SIL1: variants seen among roughly 807,000 people sequenced by gnomAD.
SIL1 encodes the protein nucleotide exchange factor SIL1.
In SIL1, 40 loss-of-function variants were observed where a neutral mutation model predicts 49.1. The observed-to-expected ratio is 0.81, with a 90% CI of 0.63 to 1.06. The LOEUF (loss-of-function observed/expected upper bound fraction) is 1.06. SIL1 is among the 50% of genes least tolerant of loss of function. The pLI, the probability that SIL1 is intolerant of heterozygous loss-of-function variation, is 0.00. For synonymous variants in SIL1, 253 were observed against 250.8 expected (o/e 1.01, Z -0.08); for missense variants, 500 against 572.6 (o/e 0.87, Z 1.29).
At chr5:139,194,781 C>A (rs943132402) in intron 1 of SIL1, among the ~76,000 whole-genome samples, 2 of 152,180 alleles carry the variant, frequency 1.3e-5, no homozygotes, top group Non-Finnish European at 2.9e-5. Context: ...GACTGGCAGA[C>A]AGCCTCTGCA....
chr5:138,963,666 AAATATGGTGAAC>A (rs546734082), intron 7 of SIL1, among the ~76,000 whole-genome samples: 57 of 152,374 alleles, frequency 3.7e-4, no homozygotes, highest in East Asian at 3.1e-3. Flanking sequence ...CTGACAGTTT[AAATATGGTGAAC>A]AATATGGTGA....
intron 1 of SIL1, among the ~76,000 whole-genome samples, chr5:139,174,125 T>C (rs1000199179): frequency 6.6e-6 from 1 of 150,640 alleles, no homozygotes; most frequent in Non-Finnish European, 1.5e-5. Context: ...AATAGAAAAA[T>C]AATAGAAAAA....
chr5:139,193,856 T>C (rs1367452618), intron 1 of SIL1, among the ~76,000 whole-genome samples: 4 of 152,204 alleles, frequency 2.6e-5, no homozygotes, highest in Admixed American at 6.5e-5. Context: ...GAGAGATCAA[T>C]GAAGGCATTC....
chr5:138,985,929 T>C (rs1767641859), intron 7 of SIL1, among the ~76,000 whole-genome samples: 1 of 152,220 alleles, frequency 6.6e-6, no homozygotes, highest in African/African-American at 2.4e-5. Context: ...CCACAGATGA[T>C]GTTCTGTACT....
chr5:139,169,474 AGATTTTT>A (rs949092673), intron 1 of SIL1, among the ~76,000 whole-genome samples: 2 of 127,318 alleles, frequency 1.6e-5, no homozygotes, highest in African/African-American at 6.6e-5. Context: ...GTATATAGAT[AGATTTTT>A]TTTTTTTTTT....
chr5:139,102,528 T>C (rs1770615033), intron 3 of SIL1, among the ~76,000 whole-genome samples: 1 of 150,900 alleles, frequency 6.6e-6, no homozygotes, highest in Non-Finnish European at 1.5e-5. Context: ...GAAAGTCATT[T>C]TAAAAACAAA....
At chr5:139,139,088 T>A (rs994986364) in intron 1 of SIL1, among the ~76,000 whole-genome samples, 7 of 151,836 alleles carry the variant, frequency 4.6e-5, no homozygotes, top group African/African-American at 1.7e-4. Context: ...TCAGGGAGAG[T>A]AGGAACAGCC....
intron 3 of SIL1, among the ~76,000 whole-genome samples, chr5:139,080,351 T>C (rs1054748147): frequency 6.6e-6 from 1 of 152,236 alleles, no homozygotes; most frequent in Non-Finnish European, 1.5e-5. Context: ...AGCTAGATTA[T>C]GCCAAGTCCT....
chr5:139,072,674 C>T (rs890521833), intron 3 of SIL1, among the ~76,000 whole-genome samples: 26 of 152,100 alleles, frequency 1.7e-4, no homozygotes, highest in African/African-American at 6.3e-4. Flanking sequence ...GATTTGACCC[C>T]TAAAAGCACA....
At chr5:138,993,285 G>C (rs1458598518) in intron 7 of SIL1, among the ~76,000 whole-genome samples, 1 of 152,144 alleles carries the variant, frequency 6.6e-6, no homozygotes, top group African/African-American at 2.4e-5. Context: ...ATTCCTTAGG[G>C]ATGGCATCCT....
chr5:138,959,442 A>G (rs1355996767), intron 7 of SIL1, among the ~76,000 whole-genome samples: 1 of 152,226 alleles, frequency 6.6e-6, no homozygotes, highest in Non-Finnish European at 1.5e-5. Flanking sequence ...CCAGAAAAAC[A>G]TATTCTGATA....
At chr5:138,957,142 T>A (rs1346742401) in intron 7 of SIL1, among the ~76,000 whole-genome samples, 1 of 152,068 alleles carries the variant, frequency 6.6e-6, no homozygotes, top group East Asian at 1.9e-4. Flanking sequence ...TCTGAGGAGA[T>A]AAAGGGAACC....
At chr5:139,048,369 G>GTTTTTTTTTTTTTTTTTT (rs35482601) in intron 4 of SIL1, among the ~76,000 whole-genome samples, 4 of 87,758 alleles carry the variant, frequency 4.6e-5, no homozygotes, top group African/African-American at 1.4e-4. Context: ...TTTGTTGTTG[G>GTTTTTTTTTTTTTTTTTT]TTTTTTTTTT....
At chr5:139,163,622 G>A (rs1473873810) in intron 1 of SIL1, among the ~76,000 whole-genome samples, 4 of 152,004 alleles carry the variant, frequency 2.6e-5, no homozygotes, top group East Asian at 3.9e-4. Context: ...CGCCCGTCTC[G>A]GCCTCCCAAA....
chr5:138,970,354 G>A (rs538424323), intron 7 of SIL1, among the ~76,000 whole-genome samples: 109 of 152,350 alleles, frequency 7.2e-4, no homozygotes, highest in African/African-American at 2.5e-3. Flanking sequence ...ATTTCACCAG[G>A]GAAGCAGCTT....
At chr5:139,164,951 C>T (rs1751585781) in intron 1 of SIL1, among the ~76,000 whole-genome samples, 1 of 152,176 alleles carries the variant, frequency 6.6e-6, no homozygotes, top group East Asian at 1.9e-4. Context: ...TACCCCAAAA[C>T]ATGTTTCTCT....
At chr5:139,131,780 G>A (rs1750869915) in intron 1 of SIL1, 2 of 152,568 alleles carry the variant, frequency 1.3e-5, no homozygotes, top group Admixed American at 1.3e-4. Context: ...GGCCAGGCTG[G>A]GTGAGGATGA....
At chr5:138,984,776 A>G (rs1767616557) in intron 7 of SIL1, among the ~76,000 whole-genome samples, 1 of 152,062 alleles carries the variant, frequency 6.6e-6, no homozygotes, top group South Asian at 2.1e-4. Flanking sequence ...AAATCTGACC[A>G]CTTCTTGCTC....
At chr5:139,034,577 T>C (rs1220226007) in intron 5 of SIL1, 1 of 152,218 alleles carries the variant, frequency 6.6e-6, no homozygotes, top group Non-Finnish European at 1.5e-5. Flanking sequence ...CAATGTTTTA[T>C]CACTTTGAGT....
Sources: allele counts gnomAD v4.1 joint callset (sites outside exome capture counted in the v4.1 genomes callset), GRCh38; gene constraint gnomAD v4.1.1; transcripts MANE v1.5; gene names NCBI Gene and HGNC (gene_info 2026-07-23, HGNC 2026-07-21).